ARHGAP6: variants seen among roughly 807,000 people sequenced by gnomAD.
The protein encoded by ARHGAP6 is rho GTPase-activating protein 6.
ARHGAP6 carries 16 observed loss-of-function variants against 55.7 expected under a neutral mutation model. The observed-to-expected ratio is 0.29, with a 90% CI of 0.19 to 0.44. ARHGAP6 has a LOEUF of 0.44. Among genes scored for constraint, ARHGAP6 ranks in the 20% least tolerant of loss-of-function variants. ARHGAP6 has a pLI of 1.00. For missense variants in ARHGAP6, 698 were observed against 808.9 expected (o/e 0.86, Z 1.66); for synonymous variants, 382 against 360.9 (o/e 1.06, Z -0.66).
intron 1 of ARHGAP6, among the ~76,000 whole-genome samples, chrX:11,340,727 T>TCA (rs1555993290): frequency 3.4e-4 from 33 of 96,706 alleles, no homozygotes; most frequent in African/African-American, 1.2e-3. Flanking sequence ...AGACTCCGTC[T>TCA]AAAAAAAAAA....
intron 1 of ARHGAP6, 42 bp downstream of exon 1, chrX:11,664,199 G>C (rs772651980): frequency 1.8e-6 from 2 of 1,132,052 alleles, no homozygotes; most frequent in South Asian, 4.1e-5. Flanking sequence ...CTGCCTGGGG[G>C]CCTCCTCCTT....
chrX:11,470,016 G>A (rs1448023221), intron 1 of ARHGAP6, among the ~76,000 whole-genome samples: 2 of 111,659 alleles, frequency 1.8e-5, no homozygotes, highest in African/African-American at 6.5e-5. Flanking sequence ...CAGAAGGGAA[G>A]ATGGGCCTAA....
At chrX:11,364,546 G>A (rs978989930) in intron 1 of ARHGAP6, among the ~76,000 whole-genome samples, 3 of 110,737 alleles carry the variant, frequency 2.7e-5, no homozygotes, top group African/African-American at 9.9e-5. Context: ...ACCAAGGGTA[G>A]ATGACCCATC....
chrX:11,212,157 T>C (rs752397717), intron 2 of ARHGAP6, among the ~76,000 whole-genome samples: 2 of 112,127 alleles, frequency 1.8e-5, no homozygotes, highest in Non-Finnish European at 3.8e-5. Flanking sequence ...ATGTATTATA[T>C]ATTAATCTAC....
intron 1 of ARHGAP6, among the ~76,000 whole-genome samples, chrX:11,663,052 C>G (rs867704328): frequency 1.6e-4 from 18 of 112,288 alleles, no homozygotes; most frequent in African/African-American, 5.5e-4. Context: ...TTTTTGTAAT[C>G]TGCACCCCCA....
intron 1 of ARHGAP6, among the ~76,000 whole-genome samples, chrX:11,529,212 C>T (rs1603243454): frequency 9.0e-6 from 1 of 111,512 alleles, no homozygotes; most frequent in Non-Finnish European, 1.9e-5. Context: ...AAGGTCAGTT[C>T]GACTCCAAGC....
intron 2 of ARHGAP6, among the ~76,000 whole-genome samples, chrX:11,253,983 C>T (rs184169840): frequency 1.1e-4 from 12 of 110,611 alleles, no homozygotes; most frequent in Non-Finnish European, 2.1e-4. Flanking sequence ...AATTCAAGTA[C>T]ATGTGTCTCA....
At position 11,178,118 on chromosome X, in the gene ARHGAP6, G is replaced by A; in HGVS notation, c.1611C>T (p.Ile537=). The A allele has an allele frequency of 8.3e-7, 1 of 1,211,704 alleles. No individual in the cohort carries two copies. Among genetic ancestry groups the A allele is most frequent in the African/African-American group, 1.7e-5 (1 of 57,746 alleles). ...SIVARHADDN[I]SKDGQEVTGN... ...ATCTTACCTCTTGCCCATCTTTGCT[G>A]ATGTTGTCATCGGCATGCCTGGCCA... Residue 537 remains isoleucine, a synonymous_variant, in exon 8 of 13, where the codon ATC becomes ATT. Coordinates refer to ENST00000337414, the MANE Select transcript of ARHGAP6 (RefSeq NM_013427.3).
chrX:11,277,025 C>T (rs1205373773), intron 1 of ARHGAP6, among the ~76,000 whole-genome samples: 1 of 111,054 alleles, frequency 9.0e-6, no homozygotes, highest in Non-Finnish European at 1.9e-5. Flanking sequence ...CATACCCAGT[C>T]ACTCCCCATT....
intron 1 of ARHGAP6, among the ~76,000 whole-genome samples, chrX:11,537,677 G>A (rs1049354654): frequency 8.9e-6 from 1 of 111,818 alleles, no homozygotes; most frequent in East Asian, 2.8e-4. Context: ...CTGGTCTCAG[G>A]ACCCCGTTAC....
intron 1 of ARHGAP6, among the ~76,000 whole-genome samples, chrX:11,425,641 G>C (rs2049870553): frequency 8.9e-6 from 1 of 112,082 alleles, no homozygotes; most frequent in Non-Finnish European, 1.9e-5. Context: ...TATTTCATCA[G>C]CAGTCTTCAG....
intron 1 of ARHGAP6, among the ~76,000 whole-genome samples, chrX:11,338,448 C>T (rs771740290): frequency 1.8e-5 from 2 of 111,540 alleles, no homozygotes; most frequent in Non-Finnish European, 3.8e-5. Context: ...CATGCATATA[C>T]TACCCCATTT....
chrX:11,472,286 A>T (rs2147828274), intron 1 of ARHGAP6, among the ~76,000 whole-genome samples: 1 of 111,760 alleles, frequency 8.9e-6, no homozygotes, highest in African/African-American at 3.3e-5. Flanking sequence ...CCCTGGGGAG[A>T]CAAAATCCCT....
At chrX:11,309,092 CCTT>C (rs1255327017) in intron 1 of ARHGAP6, among the ~76,000 whole-genome samples, 3 of 111,767 alleles carry the variant, frequency 2.7e-5, no homozygotes, top group Non-Finnish European at 5.6e-5. Context: ...TTACTTCCCT[CCTT>C]CTTTCCTACT....
In ARHGAP6 at chrX:11,138,811, T is replaced by C; in HGVS notation, c.*52A>G. ...AGTGGCCACCACCCACGGTCCCCCC[T>C]GGGCTGGAGGGCGGGGGGCTCGGGG... On this transcript the variant is annotated 3_prime_UTR_variant, in exon 13 of 13. Transcript: ENST00000337414. 1 of 1,132,904 alleles carries C rather than the reference T, an allele frequency of 8.8e-7. No homozygotes were observed. Among genetic ancestry groups the C allele is most frequent in the South Asian group, 1.9e-5 (1 of 52,114 alleles). 93.4% of individuals were successfully genotyped at this position (1,132,904 alleles called of 1,213,427 possible). A position where few individuals can be genotyped will look rare whatever the true frequency, so the allele number is the denominator to read the frequency against.
At chrX:11,253,097 G>A (rs746195306) in intron 2 of ARHGAP6, among the ~76,000 whole-genome samples, 44 of 111,137 alleles carry the variant, frequency 4.0e-4, no homozygotes, top group Middle Eastern at 4.7e-3. Context: ...CAGCACATGG[G>A]GCCTGATAAT....
intron 1 of ARHGAP6, among the ~76,000 whole-genome samples, chrX:11,272,348 G>A (rs975788829): frequency 3.6e-5 from 4 of 111,087 alleles, no homozygotes; most frequent in Admixed American, 9.5e-5. Context: ...TGCAGTCCAG[G>A]TTGAGAACCA....
intron 2 of ARHGAP6, among the ~76,000 whole-genome samples, chrX:11,208,330 G>A (rs2046738314): frequency 9.0e-6 from 1 of 111,194 alleles, no homozygotes; most frequent in African/African-American, 3.3e-5. Context: ...TCCTGGCATA[G>A]TGACTTCGAC....
intron 1 of ARHGAP6, among the ~76,000 whole-genome samples, chrX:11,486,330 G>A (rs747205916): frequency 9.0e-6 from 1 of 111,693 alleles, no homozygotes; most frequent in Non-Finnish European, 1.9e-5. Flanking sequence ...TTTATTTTCT[G>A]CATATGTAGA....
Sources: allele counts gnomAD v4.1 joint callset (sites outside exome capture counted in the v4.1 genomes callset), GRCh38; gene constraint gnomAD v4.1.1; transcripts MANE v1.5; gene names NCBI Gene and HGNC (gene_info 2026-07-23, HGNC 2026-07-21).